The following RBFOX3 variants were observed in gnomAD, a reference collection of about 807,000 sequenced individuals.
RBFOX3 encodes RNA binding fox-1 homolog 3.
Under a neutral mutation model 48.7 loss-of-function variants are expected in RBFOX3, and 17 were observed. The ratio of observed to expected loss-of-function variants is 0.35; its 90% CI spans 0.24 to 0.52. The LOEUF is 0.52. Among genes scored for constraint, RBFOX3 ranks in the 20% least tolerant of loss-of-function variants. RBFOX3 has a pLI of 0.94. For synonymous variants in RBFOX3, 212 were observed against 209.5 expected (o/e 1.01, Z -0.10); for missense variants, 382 against 497.5 (o/e 0.77, Z 2.21).
intron 2 of RBFOX3, among the ~76,000 whole-genome samples, chr17:79,314,216 C>T (rs1217008316): frequency 1.3e-5 from 2 of 152,144 alleles, no homozygotes; most frequent in Admixed American, 6.5e-5. Flanking sequence ...GCTGCTTTCC[C>T]GAGTGACAAA....
the RBFOX3 span, among the ~76,000 whole-genome samples, chr17:79,626,279 C>A: frequency 1.3e-5 from 2 of 152,238 alleles, no homozygotes; most frequent in East Asian, 1.9e-4. Context: ...ACCTCCCACC[C>A]CATCCCATTC....
At position 79,391,902 on chromosome 17, in the gene RBFOX3, T is replaced by A. The variant is rs2061414626; in HGVS notation, c.-174-84078A>T. On this transcript the variant is annotated intron_variant, in intron 2 of 14. Transcript: ENST00000693108. The surrounding 1 kb of genome is among the most constrained non-coding windows in gnomAD (Gnocchi z 5.0). ...CAGGCTGGACAAGCCCCAGGTCCCC[T>A]CCTTCCCGGTTCTGAAGCTCACAGG... is the stretch of plus-strand genomic sequence containing the variant. Among the ~76,000 whole-genome samples, 1 of 151,316 alleles carries A rather than the reference T, an allele frequency of 6.6e-6. No homozygotes were observed. Among genetic ancestry groups the A allele is most frequent in the Admixed American group, 6.6e-5 (1 of 15,210 alleles).
the RBFOX3 span, among the ~76,000 whole-genome samples, chr17:79,626,700 G>A: frequency 1.3e-5 from 2 of 152,202 alleles, no homozygotes; most frequent in African/African-American, 4.8e-5. Flanking sequence ...CACACTGAAG[G>A]GGGCATCCCC....
the RBFOX3 span, among the ~76,000 whole-genome samples, chr17:79,661,866 T>C: frequency 6.6e-6 from 1 of 152,186 alleles, no homozygotes; most frequent in Non-Finnish European, 1.5e-5. Context: ...GTTCAAGTCT[T>C]TTTCCCATTT....
chr17:79,178,222 A>G (rs1441820423), intron 4 of RBFOX3, among the ~76,000 whole-genome samples: 2 of 152,220 alleles, frequency 1.3e-5, no homozygotes, highest in Non-Finnish European at 2.9e-5. Flanking sequence ...ACAAGACACC[A>G]TGTGGAGGTT....
At chr17:79,277,286 G>A (rs1415048261) in intron 3 of RBFOX3, among the ~76,000 whole-genome samples, 1 of 93,830 alleles carries the variant, frequency 1.1e-5, no homozygotes, top group African/African-American at 3.9e-5. Flanking sequence ...AGGCCTCCAA[G>A]GATTCCAATG....
intron 1 of RBFOX3, chr17:79,600,858 G>A (rs1024868946): frequency 1.3e-5 from 2 of 152,206 alleles, no homozygotes; most frequent in Non-Finnish European, 2.9e-5. Flanking sequence ...CCGCTGCTCC[G>A]AGCTGAGCCT....
chr17:79,527,993 G>A (rs1418783598), intron 1 of RBFOX3, among the ~76,000 whole-genome samples: 5 of 152,206 alleles, frequency 3.3e-5, no homozygotes, highest in South Asian at 2.1e-4. Context: ...CAAAAGACAC[G>A]TCAAAGCCCT....
intron 2 of RBFOX3, among the ~76,000 whole-genome samples, chr17:79,365,174 C>A (rs2057556817): frequency 6.6e-6 from 1 of 152,064 alleles, no homozygotes; most frequent in Non-Finnish European, 1.5e-5. Context: ...CACGGTATTT[C>A]TGGGGAAAAT....
At chr17:79,646,113 C>T in the RBFOX3 span, among the ~76,000 whole-genome samples, 1 of 152,090 alleles carries the variant, frequency 6.6e-6, no homozygotes, top group Non-Finnish European at 1.5e-5. Context: ...CAACCCCCAG[C>T]CACTCCCTTC....
At chr17:79,112,214 G>C (rs1199426724) in intron 5 of RBFOX3, among the ~76,000 whole-genome samples, 1 of 152,218 alleles carries the variant, frequency 6.6e-6, no homozygotes. Flanking sequence ...ACAAAAATCA[G>C]TGCACGCTCC....
intron 4 of RBFOX3, among the ~76,000 whole-genome samples, chr17:79,166,019 G>A (rs2047925371): frequency 6.6e-6 from 1 of 152,248 alleles, no homozygotes; most frequent in Non-Finnish European, 1.5e-5. Context: ...TTTACACAGA[G>A]GGAAACTGAG....
At position 79,477,358 on chromosome 17, in the gene RBFOX3, C is replaced by T. The variant is rs1342790874; in HGVS notation, c.-175+5096G>A. ...GATCACGAGGTCAGGAGATCGAGATCATCCTGGCTAACACGGTGAAACCCC... is the reference window on the plus strand; with the variant it reads ...GATCACGAGGTCAGGAGATCGAGATTATCCTGGCTAACACGGTGAAACCCC... On this transcript the variant is annotated intron_variant, in intron 2 of 14. Transcript: ENST00000693108. This position sits in a 1 kb window ranked among gnomAD's most constrained non-coding sequence, Gnocchi z 4.8. Among the ~76,000 whole-genome samples, 3 of 150,498 alleles carry T rather than the reference C, an allele frequency of 2.0e-5. No homozygotes were observed. The highest frequency in any genetic ancestry group is 4.4e-5 in the Non-Finnish European group (3 of 67,826).
At chr17:79,546,225 C>T (rs969958499) in intron 1 of RBFOX3, among the ~76,000 whole-genome samples, 2 of 152,122 alleles carry the variant, frequency 1.3e-5, no homozygotes, top group Non-Finnish European at 2.9e-5. Context: ...GGACCTCAGC[C>T]GAGAGCCCAA....
intron 3 of RBFOX3, among the ~76,000 whole-genome samples, chr17:79,294,293 G>A (rs1441175267): frequency 2.0e-5 from 3 of 152,092 alleles, no homozygotes; most frequent in African/African-American, 2.4e-5. Flanking sequence ...TGTCTGTGCC[G>A]GACTCCGGTA....
Position 79,381,275 on chromosome 17 carries a change from G to C in RBFOX3, c.-174-73451C>G, listed in dbSNP as rs988739031. 3.5e-5 allele frequency among the ~76,000 whole-genome samples: 5 copies of C among 142,110 alleles called. No homozygotes were observed. In the Admixed American group the frequency reaches 3.5e-4, roughly 10 times the overall value. 93.2% of individuals were successfully genotyped at this position (142,110 alleles called of 152,430 possible). A position where few individuals can be genotyped will look rare whatever the true frequency, so the allele number is the denominator to read the frequency against. On this transcript the variant is annotated intron_variant, in intron 2 of 14. Coordinates refer to ENST00000693108, the MANE Select transcript of RBFOX3 (RefSeq NM_001350451.2). ...ACTCTGTCTCAAAAAAAAAAAAAAAGTAAAAAGAAACACGTGAGATTCATG... is the reference window on the plus strand; with the variant it reads ...ACTCTGTCTCAAAAAAAAAAAAAAACTAAAAAGAAACACGTGAGATTCATG...
At chr17:79,329,788 C>T (rs2079936028) in intron 2 of RBFOX3, among the ~76,000 whole-genome samples, 1 of 152,204 alleles carries the variant, frequency 6.6e-6, no homozygotes, top group Non-Finnish European at 1.5e-5. Context: ...CTATGGCTCC[C>T]ATCCCGGTTC....
chr17:79,280,091 G>A (rs1425736633), intron 3 of RBFOX3, among the ~76,000 whole-genome samples: 6 of 150,104 alleles, frequency 4.0e-5, no homozygotes, highest in Non-Finnish European at 8.9e-5. Flanking sequence ...TAGACAGAAG[G>A]CACAGCATGC....
chr17:79,467,448 C>T (rs1235159559), intron 2 of RBFOX3, among the ~76,000 whole-genome samples: 1 of 152,182 alleles, frequency 6.6e-6, no homozygotes, highest in East Asian at 1.9e-4. Context: ...GATGATCCCT[C>T]TCTTGGTACC....
Sources: allele counts gnomAD v4.1 joint callset (sites outside exome capture counted in the v4.1 genomes callset), GRCh38; gene constraint gnomAD v4.1.1; non-coding constraint Gnocchi (gnomAD v3.1); transcripts MANE v1.5; gene names NCBI Gene and HGNC (gene_info 2026-07-23, HGNC 2026-07-21).